Variants in DSCAM observed in about 807,000 individuals in gnomAD.
DSCAM encodes the protein DS cell adhesion molecule.
DSCAM carries 47 observed loss-of-function variants against 217.7 expected under a neutral mutation model. The ratio of observed to expected loss-of-function variants is 0.22; its 90% CI spans 0.17 to 0.28. The LOEUF (loss-of-function observed/expected upper bound fraction) is 0.28. Among genes scored for constraint, DSCAM ranks in the 10% least tolerant of loss-of-function variants. The pLI is 1.00. For synonymous variants in DSCAM, 1,056 were observed against 1,015.3 expected (o/e 1.04, Z -0.76); for missense variants, 2,080 against 2,618.3 (o/e 0.79, Z 4.49).
At chr21:40,108,254 T>C (rs2089846990) in intron 20 of DSCAM, among the ~76,000 whole-genome samples, 1 of 152,190 alleles carries the variant, frequency 6.6e-6, no homozygotes, top group African/African-American at 2.4e-5. Context: ...ATTCCATATC[T>C]AGAAAATGCC....
chr21:40,056,034 C>A (rs1362780073), intron 28 of DSCAM, among the ~76,000 whole-genome samples, 194 bp from the exon 29 acceptor site: 1 of 152,190 alleles, frequency 6.6e-6, no homozygotes, highest in East Asian at 1.9e-4. Context: ...TAAATTTCAG[C>A]TGGCTGGAGA....
intron 4 of DSCAM, among the ~76,000 whole-genome samples, chr21:40,362,773 T>G (rs368610455): frequency 1.1e-4 from 16 of 152,200 alleles, no homozygotes; most frequent in African/African-American, 3.4e-4. Flanking sequence ...TGCAGACCAA[T>G]AAGATTCTTC....
intron 3 of DSCAM, among the ~76,000 whole-genome samples, chr21:40,551,350 T>G (rs2076628306): frequency 6.6e-6 from 1 of 152,222 alleles, no homozygotes; most frequent in Non-Finnish European, 1.5e-5. Flanking sequence ...TTGTCAATTA[T>G]TCCAACCAAT....
At chr21:40,769,023 G>A (rs1428519495) in intron 1 of DSCAM, among the ~76,000 whole-genome samples, 1 of 152,144 alleles carries the variant, frequency 6.6e-6, no homozygotes, top group East Asian at 1.9e-4. Flanking sequence ...TAAAATATTA[G>A]AACTATCTCT....
intron 27 of DSCAM, among the ~76,000 whole-genome samples, chr21:40,063,683 C>A (rs1463190025): frequency 6.6e-6 from 1 of 152,186 alleles, no homozygotes; most frequent in Non-Finnish European, 1.5e-5. Flanking sequence ...ATGAACAGAA[C>A]TTTCCGGAAA....
chr21:40,450,156 A>T lies in DSCAM; in HGVS notation c.509-80911T>A, dbSNP rs578026344. 4.0e-3 allele frequency among the ~76,000 whole-genome samples: 610 copies of T among 152,272 alleles called. 6 individuals are homozygous for T. Among genetic ancestry groups the T allele is most frequent in the Non-Finnish European group, 4.8e-3 (325 of 68,008 alleles). ...TACTCTGGTACTCATTTAAAAAAAA[A>T]TTTTCTTCACACCATGGCACAATAG... On this transcript the variant is annotated intron_variant, in intron 3 of 32. Transcript: ENST00000400454.
intron 3 of DSCAM, among the ~76,000 whole-genome samples, chr21:40,387,885 C>G (rs536472240): frequency 1.3e-5 from 2 of 151,846 alleles, no homozygotes; most frequent in Middle Eastern, 6.8e-3. Flanking sequence ...AAACACATAA[C>G]CCTTGACATA....
chr21:40,810,827 C>A (rs1308654159), intron 1 of DSCAM, among the ~76,000 whole-genome samples: 3 of 152,096 alleles, frequency 2.0e-5, no homozygotes, highest in Non-Finnish European at 4.4e-5. Context: ...ATTGCTTGAG[C>A]CTTGGAGTTC....
chr21:40,788,225 A>G (rs932491580), intron 1 of DSCAM, among the ~76,000 whole-genome samples: 1 of 152,232 alleles, frequency 6.6e-6, no homozygotes, highest in Non-Finnish European at 1.5e-5. Flanking sequence ...CTGAAACTAG[A>G]TTTCTGTGCT....
At chr21:40,060,191 T>C (rs1403268171) in intron 28 of DSCAM, among the ~76,000 whole-genome samples, 1 of 152,204 alleles carries the variant, frequency 6.6e-6, no homozygotes, top group Non-Finnish European at 1.5e-5. Context: ...TCCTAATTCA[T>C]GCTGGTAACT....
At chr21:40,779,511 T>C (rs1206410056) in intron 1 of DSCAM, among the ~76,000 whole-genome samples, 1 of 152,234 alleles carries the variant, frequency 6.6e-6, no homozygotes, top group African/African-American at 2.4e-5. Flanking sequence ...TCAGGCACTA[T>C]TCCAGTTTAC....
intron 3 of DSCAM, among the ~76,000 whole-genome samples, chr21:40,648,203 A>G (rs34783617): frequency 0.088 from 13,342 of 152,074 alleles, 681 homozygotes; most frequent in Middle Eastern, 0.17. Flanking sequence ...GCACAAATAC[A>G]TAAATTAGTA....
intron 3 of DSCAM, among the ~76,000 whole-genome samples, chr21:40,378,618 G>C (rs1338501390): frequency 4.5e-5 from 5 of 111,528 alleles, no homozygotes; most frequent in African/African-American, 1.8e-4. Flanking sequence ...TTGAGACGGA[G>C]TCTCGCTCTG....
chr21:40,782,021 A>G (rs796816050), intron 1 of DSCAM, among the ~76,000 whole-genome samples: 1 of 151,006 alleles, frequency 6.6e-6, no homozygotes, highest in Admixed American at 6.6e-5. Context: ...GAAAAAAAAA[A>G]TTAGCCAGGC....
At chr21:40,552,119 G>C (rs909208796) in intron 3 of DSCAM, among the ~76,000 whole-genome samples, 2 of 152,114 alleles carry the variant, frequency 1.3e-5, no homozygotes, top group Admixed American at 1.3e-4. Context: ...TTCAAGACCA[G>C]CCTGGCCAAC....
intron 11 of DSCAM, among the ~76,000 whole-genome samples, chr21:40,252,513 C>T (rs572628556): frequency 6.6e-6 from 1 of 152,208 alleles, no homozygotes; most frequent in Non-Finnish European, 1.5e-5. Context: ...ATTTCTATCA[C>T]CATCTTTTGA....
intron 1 of DSCAM, among the ~76,000 whole-genome samples, chr21:40,725,045 T>C (rs2090940264): frequency 6.6e-6 from 1 of 151,520 alleles, no homozygotes; most frequent in Non-Finnish European, 1.5e-5. Context: ...CTTTAAGGAT[T>C]GACTCCAGTC....
intron 3 of DSCAM, among the ~76,000 whole-genome samples, chr21:40,491,193 T>C (rs911844477): frequency 6.6e-6 from 1 of 152,234 alleles, no homozygotes; most frequent in African/African-American, 2.4e-5. Flanking sequence ...ATAAATGCTT[T>C]CTAGTGAAAA....
intron 3 of DSCAM, among the ~76,000 whole-genome samples, chr21:40,391,309 A>G (rs917261260): frequency 1.3e-5 from 2 of 152,226 alleles, no homozygotes; most frequent in Admixed American, 1.3e-4. Flanking sequence ...CTGAGTGCAT[A>G]AACACAAACA....
Sources: gnomAD v4.1 joint callset for allele counts (sites outside exome capture counted in the v4.1 genomes callset) on GRCh38, gnomAD v4.1.1 for gene constraint, MANE v1.5 for transcripts, NCBI Gene and HGNC (gene_info 2026-07-23, HGNC 2026-07-21) for gene names.